The following HHIPL2 variants were observed in gnomAD, a reference collection of about 807,000 sequenced individuals.
The protein encoded by HHIPL2 is HHIP like 2, also known as HHIP-like protein 2.
Under a neutral mutation model 61.0 loss-of-function variants are expected in HHIPL2, and 61 were observed. That is an observed-to-expected ratio of 1.00 (90% CI 0.81 to 1.24). HHIPL2 has a LOEUF of 1.24. Among genes scored for constraint, HHIPL2 ranks in the 50% most tolerant of loss-of-function variants. The pLI, the probability that HHIPL2 is intolerant of heterozygous loss-of-function variation, is 0.00. For missense variants in HHIPL2, 885 were observed against 910.2 expected, an observed-to-expected ratio of 0.97 and a Z score of 0.36; for synonymous variants, 343 against 357.4, an observed-to-expected ratio of 0.96 and a Z score of 0.45.
intron 6 of HHIPL2, among the ~76,000 whole-genome samples, chr1:222,528,826 T>C (rs1468574098): frequency 6.7e-6 from 1 of 150,250 alleles, no homozygotes; most frequent in East Asian, 1.9e-4. Context: ...ACTAATTTTT[T>C]TTTTTTTTTT....
rs1397445073 is a variant in HHIPL2 at position 222,522,707 on chromosome 1, A to G, written c.2069T>C (p.Val690Ala). 1.9e-6 allele frequency: 3 copies of G among 1,613,610 alleles called. No homozygotes were observed. In the Admixed American group the frequency reaches 5.0e-5, roughly 27 times the overall value. Residue 690 changes from valine (V) to alanine (A), a missense_variant, in exon 9 of 9, where the codon GTG (valine) becomes GCG (alanine). Transcript: ENST00000343410. ...RGPGTKKKAR[V>A]GPHVRQGKRR... is the part of the protein sequence containing the mutation. ...CTTGCCCTGGCGGACGTGGGGCCCC[A>G]CTCTGGCTTTCTTCTTTGTACCAGG...
chr1:222,539,527 T>TAA (rs10537670), intron 4 of HHIPL2, among the ~76,000 whole-genome samples: 23 of 85,084 alleles, frequency 2.7e-4, no homozygotes, highest in South Asian at 4.5e-4. Flanking sequence ...AGACTCTGTC[T>TAA]AAAAAAAAAA....
At chr1:222,538,869 C>T in intron 4 of HHIPL2, 95 bp from the exon 5 acceptor site, 1 of 1,279,882 alleles carries the variant, frequency 7.8e-7, no homozygotes, top group Non-Finnish European at 1.1e-6. Context: ...TTGCCTAATT[C>T]AGTAAAGAAC....
intron 6 of HHIPL2, among the ~76,000 whole-genome samples, chr1:222,528,075 G>T (rs1659107531): frequency 6.6e-6 from 1 of 152,130 alleles, no homozygotes. Flanking sequence ...ATGTTCTTTT[G>T]TCACAGTAAC....
intron 8 of HHIPL2, 30 bp downstream of exon 8, chr1:222,523,582 C>T: frequency 6.2e-7 from 1 of 1,602,696 alleles, no homozygotes; most frequent in Non-Finnish European, 8.6e-7. Flanking sequence ...CACACCAAGG[C>T]CTGAGCCTAA....
At chr1:222,541,904 T>G in intron 3 of HHIPL2, 108 bp downstream of exon 3, 1 of 1,136,114 alleles carries the variant, frequency 8.8e-7, no homozygotes, top group Non-Finnish European at 1.2e-6. Flanking sequence ...CTCAGTGGAG[T>G]AGACTACATC....
chr1:222,522,702 G>T lies in HHIPL2; in HGVS notation c.2074C>A (p.Pro692Thr), dbSNP rs1260628806. The change falls in exon 9 of 9, where the codon CCC becomes ACC. Residue 692 changes from proline to threonine, a missense_variant. Coordinates refer to ENST00000343410, the MANE Select transcript of HHIPL2 (RefSeq NM_024746.4). ...PGTKKKARVGPHVRQGKRRKS... is the reference protein window; with the variant it reads ...PGTKKKARVGTHVRQGKRRKS... The stretch of plus-strand genomic sequence containing the variant: ...CTCCTCTTGCCCTGGCGGACGTGGG[G>T]CCCCACTCTGGCTTTCTTCTTTGTA... The T allele has an allele frequency of 1.2e-6, 2 of 1,614,130 alleles. No individual in the cohort carries two copies. Among genetic ancestry groups the T allele is most frequent in the Admixed American group, 1.7e-5 (1 of 60,030 alleles).
chr1:222,544,394 T>G (rs1659513668), intron 1 of HHIPL2, among the ~76,000 whole-genome samples: 1 of 152,254 alleles, frequency 6.6e-6, no homozygotes, highest in Non-Finnish European at 1.5e-5. Flanking sequence ...AGGGAAAATC[T>G]CTCATATTCA....
At position 222,538,670 on chromosome 1, in the gene HHIPL2, T is replaced by C. The variant is rs758632558; in HGVS notation, c.1555A>G (p.Ile519Val). The change falls in exon 5 of 9, where the codon ATC becomes GTC. Residue 519 changes from isoleucine (I) to valine (V), a missense_variant. By Grantham distance (29) the Ile-to-Val change is conservative (BLOSUM62 3). Coordinates refer to ENST00000343410, the MANE Select transcript of HHIPL2 (RefSeq NM_024746.4). ...TACCCACTCATGAAGTCTCCAAAGATATACAGGCCATTGAGATTTGGGGAT... is the reference window on the plus strand; with the variant it reads ...TACCCACTCATGAAGTCTCCAAAGACATACAGGCCATTGAGATTTGGGGAT... ...CESPNLNGLY[I>V]FGDFMSGRLM... is the part of the protein sequence containing the mutation. 11 of 1,613,938 alleles carry C rather than the reference T, an allele frequency of 6.8e-6. No homozygotes were observed. The highest frequency in any genetic ancestry group is 8.5e-6 in the Non-Finnish European group (10 of 1,179,838).
Position 222,523,647 on chromosome 1 carries a change from G to T in HHIPL2, c.1853C>A (p.Thr618Asn). The change falls in exon 8 of 9, where the codon ACC (threonine) becomes AAC (asparagine). Residue 618 changes from threonine (T) to asparagine (N), a missense_variant. Thr to Asn is a moderately conservative substitution (Grantham distance 65). Coordinates refer to ENST00000343410, the MANE Select transcript of HHIPL2 (RefSeq NM_024746.4). The part of the protein sequence containing the change: ...KCKYKPVPVR[T>N]KSKRIPFRPL... Reference sequence around the variant, plus strand: ...TCTGAACGGGATCCGCTTACTCTTGGTTCTCACGGGCACTGGCTTGTATTT... The same window carrying T: ...TCTGAACGGGATCCGCTTACTCTTGTTTCTCACGGGCACTGGCTTGTATTT... 1 of 1,614,146 alleles carries T rather than the reference G, an allele frequency of 6.2e-7. No individual in the cohort carries two copies.
At chr1:222,524,519 CTAT>C (rs1326180936) in intron 7 of HHIPL2, among the ~76,000 whole-genome samples, 1 of 152,202 alleles carries the variant, frequency 6.6e-6, no homozygotes, top group African/African-American at 2.4e-5. Context: ...GAAGTAAGTA[CTAT>C]TATTATACTC....
At position 222,548,096 on chromosome 1, in the gene HHIPL2, G is replaced by A; in HGVS notation, c.-52C>T. 2 of 1,335,648 alleles carry A rather than the reference G, an allele frequency of 1.5e-6. No homozygotes were observed. The highest frequency in any genetic ancestry group is 2.1e-6 in the Non-Finnish European group (2 of 973,358). 82.7% of individuals were successfully genotyped at this position (1,335,648 alleles called of 1,614,324 possible). A position where few individuals can be genotyped will look rare whatever the true frequency, so the allele number is the denominator to read the frequency against. On this transcript the variant is annotated 5_prime_UTR_variant, in exon 1 of 9. Coordinates refer to ENST00000343410, the MANE Select transcript of HHIPL2 (RefSeq NM_024746.4). The stretch of plus-strand genomic sequence containing the variant: ...TGTGTTTGCTCAGGTTGGCTTCCCT[G>A]CTCTGCCCAAGGTCCTCCCTCTCTT...
chr1:222,540,394 G>T, intron 3 of HHIPL2, 53 bp from the exon 4 acceptor site: 2 of 1,459,394 alleles, frequency 1.4e-6, no homozygotes, highest in South Asian at 2.6e-5. Context: ...AAAGCCACAG[G>T]ACTGGAAGAG....
At chr1:222,526,835 C>T (rs1659077079) in intron 7 of HHIPL2, 134 bp downstream of exon 7, 2 of 666,754 alleles carry the variant, frequency 3.0e-6, no homozygotes, top group South Asian at 1.9e-5. Flanking sequence ...TTGTCCTATG[C>T]CATTATTTGT....
At chr1:222,538,617 A>T in intron 5 of HHIPL2, 31 bp downstream of exon 5, 1 of 1,588,714 alleles carries the variant, frequency 6.3e-7, no homozygotes, top group Non-Finnish European at 8.6e-7. Flanking sequence ...TAAAATAAAA[A>T]GAGGGAGAAG....
chr1:222,528,529 T>C (rs1351675806), intron 6 of HHIPL2, among the ~76,000 whole-genome samples: 1 of 152,062 alleles, frequency 6.6e-6, no homozygotes, highest in African/African-American at 2.4e-5. Context: ...ATCACTTGAA[T>C]CTGGGAGGCA....
chr1:222,532,036 C>T lies in HHIPL2; in HGVS notation c.1653G>A (p.Thr551=), dbSNP rs536589280. 8 of 1,613,860 alleles carry T rather than the reference C, an allele frequency of 5.0e-6. No individual in the cohort carries two copies. The highest frequency in any genetic ancestry group is 3.3e-5 in the South Asian group (3 of 91,072). The change falls in exon 6 of 9, where the codon ACG becomes ACA. Residue 551 remains threonine, a synonymous_variant. Transcript: ENST00000343410. ...KKQDLCLGST[T]SCAFPGLIST... Reference sequence around the variant, plus strand: ...TGATCAGCCCTGGGAAGGCACAGGACGTGGTGCTGCCCAGGCAAAGATCCT... The same window carrying T: ...TGATCAGCCCTGGGAAGGCACAGGATGTGGTGCTGCCCAGGCAAAGATCCT...
rs1325105608 is a variant in HHIPL2 at position 222,538,561 on chromosome 1, C to T, written c.1577+87G>A. On this transcript the variant is annotated intron_variant, in intron 5 of 8. Coordinates refer to ENST00000343410, the MANE Select transcript of HHIPL2 (RefSeq NM_024746.4). Reference sequence around the variant, plus strand: ...AAAACATCAAACACCTGTGCTCTTACGTGATTATATTTCACCATATGTAAG... The same window carrying T: ...AAAACATCAAACACCTGTGCTCTTATGTGATTATATTTCACCATATGTAAG... The T allele has an allele frequency of 2.5e-5, 31 of 1,233,828 alleles. No individual in the cohort carries two copies. In the Admixed American group the frequency reaches 3.9e-4, roughly 15 times the overall value. 76.4% of individuals were successfully genotyped at this position (1,233,828 alleles called of 1,614,324 possible). A position where few individuals can be genotyped will look rare whatever the true frequency, so the allele number is the denominator to read the frequency against.
At chr1:222,525,535 G>GC (rs1401453178) in intron 7 of HHIPL2, among the ~76,000 whole-genome samples, 3 of 151,976 alleles carry the variant, frequency 2.0e-5, no homozygotes, top group Non-Finnish European at 2.9e-5. Context: ...GATAGAGCTG[G>GC]CCCCCCCAAG....
Sources: gnomAD v4.1 joint callset for allele counts (sites outside exome capture counted in the v4.1 genomes callset) on GRCh38, gnomAD v4.1.1 for gene constraint, MANE v1.5 for transcripts, NCBI Gene and HGNC (gene_info 2026-07-23, HGNC 2026-07-21) for gene names.